SERPINB5: variants seen among roughly 807,000 people sequenced by gnomAD.
The protein encoded by SERPINB5 is serpin family B member 5.
In SERPINB5, 27 loss-of-function variants were observed where a neutral mutation model predicts 32.2. The observed-to-expected ratio is 0.84, with a 90% CI of 0.62 to 1.16. The LOEUF (loss-of-function observed/expected upper bound fraction) is 1.16, where lower values mean the gene tolerates loss of function less well. Ranked by LOEUF, SERPINB5 falls within the 50% of genes most tolerant of loss-of-function variation. The pLI is 0.00. For synonymous variants in SERPINB5, 154 were observed against 157.4 expected, an observed-to-expected ratio of 0.98 and a Z score of 0.16; for missense variants, 388 against 436.3, an observed-to-expected ratio of 0.89 and a Z score of 0.99.
At chr18:63,490,198 A>G (rs996677961) in intron 4 of SERPINB5, among the ~76,000 whole-genome samples, 2 of 152,088 alleles carry the variant, frequency 1.3e-5, no homozygotes, top group African/African-American at 4.8e-5. Context: ...TCTTAAAAAA[A>G]GAAAACCAAA....
intron 5 of SERPINB5, chr18:63,493,652 A>G (rs934700687): frequency 6.4e-6 from 1 of 157,358 alleles, no homozygotes; most frequent in African/African-American, 2.4e-5. Context: ...TGAGGTCAGG[A>G]GTTGGAGACC....
intron 3 of SERPINB5, 74 bp from the exon 4 acceptor site, chr18:63,489,272 TC>T: frequency 1.2e-6 from 1 of 821,940 alleles, no homozygotes; most frequent in Non-Finnish European, 2.0e-6. Flanking sequence ...TATTTAATAA[TC>T]CTTTTGTTAG....
intron 2 of SERPINB5, 50 bp from the exon 3 acceptor site, chr18:63,486,896 G>C: frequency 6.2e-7 from 1 of 1,601,458 alleles, no homozygotes; most frequent in South Asian, 1.1e-5. Context: ...CTTCAGTACA[G>C]CACTACTCAG....
At chr18:63,483,253 G>C (rs1394427512) in intron 1 of SERPINB5, among the ~76,000 whole-genome samples, 1 of 152,074 alleles carries the variant, frequency 6.6e-6, no homozygotes, top group East Asian at 1.9e-4. Flanking sequence ...CACATGTCTT[G>C]GGCAGCTCTG....
Position 63,504,331 on chromosome 18 carries a change from T to C in SERPINB5, c.*609T>C, listed in dbSNP as rs115195446. ...ATACACTGTATGTTATAGAACTTCA[T>C]GGATCAGATCTGGGGCAGCACCCTA... On this transcript the variant is annotated 3_prime_UTR_variant, in exon 7 of 7. Coordinates refer to ENST00000382771, the MANE Select transcript of SERPINB5 (RefSeq NM_002639.5). 59 of 152,574 alleles carry C rather than the reference T, an allele frequency of 3.9e-4. 1 individual carries two copies. Among genetic ancestry groups the C allele is most frequent in the African/African-American group, 1.3e-3 (56 of 41,574 alleles). The allele number at this position is 152,574 out of a possible 1,614,324, so 9.5% of individuals were successfully genotyped here.
intron 5 of SERPINB5, chr18:63,493,456 C>T: frequency 2.1e-6 from 1 of 475,902 alleles, no homozygotes; most frequent in East Asian, 3.2e-5. Context: ...ATCATGAAAC[C>T]TTGACATCTA....
chr18:63,481,169 A>T (rs1181293291), intron 1 of SERPINB5, among the ~76,000 whole-genome samples: 1 of 152,234 alleles, frequency 6.6e-6, no homozygotes, highest in African/African-American at 2.4e-5. Context: ...AATTAACTAC[A>T]CTAAAAGCCA....
At chr18:63,478,846 C>G (rs6567358) in intron 1 of SERPINB5, among the ~76,000 whole-genome samples, 105,601 of 150,776 alleles carry the variant, frequency 0.7, 37,540 homozygotes, top group African/African-American at 0.82. Context: ...CGCAACCTCA[C>G]CCTCCCAGGT....
At chr18:63,500,932 C>T (rs1421952855) in intron 6 of SERPINB5, among the ~76,000 whole-genome samples, 3 of 152,092 alleles carry the variant, frequency 2.0e-5, no homozygotes, top group East Asian at 1.9e-4. Context: ...ATGCTTTGAT[C>T]TTTCAGCCAT....
chr18:63,501,500 G>A (rs7230570), intron 6 of SERPINB5, among the ~76,000 whole-genome samples: 85,909 of 151,814 alleles, frequency 0.57, 24,819 homozygotes, highest in Non-Finnish European at 0.64. Context: ...GTTCCAATAA[G>A]CATACGTGTG....
At chr18:63,478,723 T>A (rs574656052) in intron 1 of SERPINB5, among the ~76,000 whole-genome samples, 1 of 152,042 alleles carries the variant, frequency 6.6e-6, no homozygotes, top group East Asian at 1.9e-4. Flanking sequence ...CCAGGCTAAA[T>A]GATATCTACG....
At chr18:63,492,453 G>C (rs1304925778) in intron 4 of SERPINB5, among the ~76,000 whole-genome samples, 1 of 152,212 alleles carries the variant, frequency 6.6e-6, no homozygotes, top group Non-Finnish European at 1.5e-5. Flanking sequence ...AAAAGACTGA[G>C]ATAATATATG....
In SERPINB5 at chr18:63,499,277, G is replaced by T; in HGVS notation, c.725G>T (p.Gly242Val). Reference sequence around the variant, plus strand: ...AAGGATGTGGAGGATGAGTCCACAGGCTTGGAGAAGGTAAGGAGAAGGCAG... The same window carrying T: ...AAGGATGTGGAGGATGAGTCCACAGTCTTGGAGAAGGTAAGGAGAAGGCAG... ...LPKDVEDEST[G>V]LEKIEKQLNS... Residue 242 changes from glycine to valine, a missense_variant, in exon 6 of 7, where the codon GGC (glycine) becomes GTC (valine). Gly to Val is a moderately radical substitution (Grantham distance 109). Transcript: ENST00000382771. 7 of 1,568,344 alleles carry T rather than the reference G, an allele frequency of 4.5e-6. No homozygotes were observed. The highest frequency in any genetic ancestry group is 6.1e-6 in the Non-Finnish European group (7 of 1,156,276).
chr18:63,479,664 C>A (rs991650966), intron 1 of SERPINB5, among the ~76,000 whole-genome samples: 2 of 152,102 alleles, frequency 1.3e-5, no homozygotes, highest in Admixed American at 1.3e-4. Context: ...TTAAAACAGT[C>A]ATCATACCAC....
At position 63,503,407 on chromosome 18, in the gene SERPINB5, C is replaced by G. The variant is rs779020804; in HGVS notation, c.813C>G (p.Leu271=). 5.6e-6 allele frequency: 9 copies of G among 1,614,248 alleles called. No homozygotes were observed. The South Asian group carries it at 7.7e-5, about 14-fold the overall frequency. Residue 271 remains leucine, a synonymous_variant, in exon 7 of 7, where the codon CTC becomes CTG. Coordinates refer to ENST00000382771, the MANE Select transcript of SERPINB5 (RefSeq NM_002639.5). ...PSTMANAKVK[L]SIPKFKVEKM... ...CCATGGCCAATGCCAAGGTCAAACT[C>G]TCCATTCCAAAATTTAAGGTGGAAA...
At chr18:63,494,259 T>C (rs999706283) in intron 5 of SERPINB5, among the ~76,000 whole-genome samples, 1 of 146,670 alleles carries the variant, frequency 6.8e-6, no homozygotes, top group Non-Finnish European at 1.5e-5. Flanking sequence ...GAGGCAGAGG[T>C]TGCAGTGAGC....
In SERPINB5 at chr18:63,503,518, A is replaced by G. The variant is rs1909613551; in HGVS notation, c.924A>G (p.Ser308=). Residue 308 remains serine (S), a synonymous_variant, in exon 7 of 7, where the codon TCA becomes TCG. Transcript: ENST00000382771. The part of the protein sequence containing the change: ...SEDTSDFSGM[S]ETKGVALSNV... ...ACACATCTGATTTCTCTGGAATGTCAGAGACCAAGGGAGTGGCCCTATCAA... is the reference window on the plus strand; with the variant it reads ...ACACATCTGATTTCTCTGGAATGTCGGAGACCAAGGGAGTGGCCCTATCAA... The G allele has an allele frequency of 1.9e-6, 3 of 1,614,244 alleles. No individual in the cohort carries two copies. Among genetic ancestry groups the G allele is most frequent in the East Asian group, 2.2e-5 (1 of 44,880 alleles).
At position 63,484,678 on chromosome 18, in the gene SERPINB5, T is replaced by G. The variant is rs537899454; in HGVS notation, c.168+82T>G. 145 of 1,339,290 alleles carry G rather than the reference T, an allele frequency of 1.1e-4. No homozygotes were observed. In the African/African-American group the frequency reaches 2.1e-3, roughly 19 times the overall value. 83.0% of individuals were successfully genotyped at this position (1,339,290 alleles called of 1,614,324 possible). On this transcript the variant is annotated intron_variant, in intron 2 of 6. Transcript: ENST00000382771. ...AGGCAGTGCCTACGGAAAAAAGGAA[T>G]GTAGACTTTGTGGCCAGAATTGGTC... is the stretch of plus-strand genomic sequence containing the variant.
chr18:63,497,255 C>T (rs111561914), intron 5 of SERPINB5: 14 of 932,370 alleles, frequency 1.5e-5, no homozygotes, highest in Middle Eastern at 2.6e-4. Flanking sequence ...ATTGGAATAG[C>T]GTTTGGCAGC....
Sources: allele counts gnomAD v4.1 joint callset (sites outside exome capture counted in the v4.1 genomes callset), GRCh38; gene constraint gnomAD v4.1.1; transcripts MANE v1.5; gene names NCBI Gene and HGNC (gene_info 2026-07-23, HGNC 2026-07-21).